Variants in TNIK observed in about 807,000 individuals in gnomAD.
TNIK encodes the protein TRAF2 and NCK-interacting protein kinase.
In TNIK, 49 loss-of-function variants were observed where a neutral mutation model predicts 191.3. The ratio of observed to expected loss-of-function variants is 0.26; its 90% CI spans 0.20 to 0.32. The LOEUF is 0.32. Ranked by LOEUF, TNIK falls within the 10% of genes least tolerant of loss-of-function variation. The pLI is 1.00. For missense variants in TNIK, 1,155 were observed against 1,702.3 expected, an observed-to-expected ratio of 0.68 and a Z score of 5.66; for synonymous variants, 594 against 600.9, an observed-to-expected ratio of 0.99 and a Z score of 0.17.
intron 2 of TNIK, among the ~76,000 whole-genome samples, chr3:171,237,389 G>T (rs577587568): frequency 6.6e-6 from 1 of 151,952 alleles, no homozygotes; most frequent in Non-Finnish European, 1.5e-5. Context: ...CTGAATCCCC[G>T]CTCTGTTACT....
At chr3:171,422,293 A>C (rs1723912734) in intron 1 of TNIK, among the ~76,000 whole-genome samples, 1 of 152,070 alleles carries the variant, frequency 6.6e-6, no homozygotes, top group African/African-American at 2.4e-5. Context: ...TTAATAAAGT[A>C]GTAAAAGACA....
intron 18 of TNIK, among the ~76,000 whole-genome samples, 193 bp downstream of exon 18, chr3:171,123,403 C>T (rs1336047367): frequency 6.6e-6 from 1 of 152,234 alleles, no homozygotes. Context: ...GAGCCCCCCA[C>T]TGAATACTGA....
At position 171,063,674 on chromosome 3, in the gene TNIK, T is replaced by C. The variant is rs533303383; in HGVS notation, c.*207A>G. ...GCATTCTTGGGGATCTCCTGGAAATTCCTGCCACCTTTTTCTCTCCTTCTC... is the reference window on the plus strand; with the variant it reads ...GCATTCTTGGGGATCTCCTGGAAATCCCTGCCACCTTTTTCTCTCCTTCTC... On this transcript the variant is annotated 3_prime_UTR_variant, in exon 33 of 33. Coordinates refer to ENST00000436636, the MANE Select transcript of TNIK (RefSeq NM_015028.4). The C allele has an allele frequency of 2.1e-6, 1 of 478,480 alleles. No individual in the cohort carries two copies. The highest frequency in any genetic ancestry group is 3.8e-5 in the Admixed American group (1 of 25,978). The allele number at this position is 478,480 out of a possible 1,614,324, so 29.6% of individuals were successfully genotyped here.
intron 10 of TNIK, 47 bp downstream of exon 10, chr3:171,167,048 C>G: frequency 6.3e-7 from 1 of 1,583,806 alleles, no homozygotes; most frequent in Non-Finnish European, 8.6e-7. Flanking sequence ...GCCCATGATT[C>G]ACTCCATCTT....
intron 2 of TNIK, among the ~76,000 whole-genome samples, chr3:171,281,788 C>A (rs1264599113): frequency 6.6e-6 from 1 of 152,156 alleles, no homozygotes; most frequent in Non-Finnish European, 1.5e-5. Context: ...AATCTTTAAA[C>A]TGTGATGACA....
intron 2 of TNIK, among the ~76,000 whole-genome samples, chr3:171,342,513 A>T (rs1350963736): frequency 4.6e-5 from 7 of 152,190 alleles, no homozygotes; most frequent in African/African-American, 1.7e-4. Context: ...CAAAAAACAA[A>T]AAAACAAAAA....
chr3:171,285,616 GTAT>G (rs765413946), intron 2 of TNIK, among the ~76,000 whole-genome samples: 1 of 152,126 alleles, frequency 6.6e-6, no homozygotes, highest in Admixed American at 6.5e-5. Context: ...CACCAAATCA[GTAT>G]TATTATTATT....
intron 2 of TNIK, among the ~76,000 whole-genome samples, chr3:171,311,991 G>C (rs1313140138): frequency 6.6e-6 from 1 of 151,578 alleles, no homozygotes. Flanking sequence ...GGTTGGGGGC[G>C]GGTGCGCCTG....
intron 7 of TNIK, among the ~76,000 whole-genome samples, chr3:171,185,156 T>C (rs1254286901): frequency 6.6e-6 from 1 of 150,890 alleles, no homozygotes; most frequent in Non-Finnish European, 1.5e-5. Context: ...ATTAAGTTTT[T>C]CCAGGTTCTT....
At chr3:171,209,734 C>T (rs1036482428) in intron 4 of TNIK, among the ~76,000 whole-genome samples, 4 of 151,646 alleles carry the variant, frequency 2.6e-5, no homozygotes, top group African/African-American at 9.7e-5. Context: ...TGGAGATGAG[C>T]CTTATGGAAA....
intron 1 of TNIK, among the ~76,000 whole-genome samples, chr3:171,459,392 G>A (rs1299030298): frequency 6.6e-6 from 1 of 152,238 alleles, no homozygotes; most frequent in African/African-American, 2.4e-5. Context: ...ATAAATAAAG[G>A]TGAGTGGCAG....
chr3:171,145,246 C>T (rs1057105516), intron 12 of TNIK, among the ~76,000 whole-genome samples: 3 of 152,124 alleles, frequency 2.0e-5, no homozygotes, highest in Admixed American at 6.5e-5. Context: ...GCCACCACGC[C>T]TGGCTAATTT....
intron 12 of TNIK, among the ~76,000 whole-genome samples, chr3:171,151,560 G>T (rs1009120193): frequency 6.6e-6 from 1 of 152,160 alleles, no homozygotes; most frequent in Non-Finnish European, 1.5e-5. Flanking sequence ...GCCCTGTGAG[G>T]TAAATGCTAT....
At chr3:171,146,325 T>A (rs569923652) in intron 12 of TNIK, among the ~76,000 whole-genome samples, 1 of 152,238 alleles carries the variant, frequency 6.6e-6, no homozygotes, top group African/African-American at 2.4e-5. Flanking sequence ...CCTTTTGGAA[T>A]GAGGAAAAGT....
chr3:171,379,937 A>G (rs1474327532), intron 1 of TNIK, among the ~76,000 whole-genome samples: 1 of 151,990 alleles, frequency 6.6e-6, no homozygotes, highest in East Asian at 1.9e-4. Flanking sequence ...TGAACCAGGG[A>G]GGTGGAGGTT....
At chr3:171,246,702 GT>G (rs1456489810) in intron 2 of TNIK, among the ~76,000 whole-genome samples, 1 of 152,132 alleles carries the variant, frequency 6.6e-6, no homozygotes, top group Non-Finnish European at 1.5e-5. Flanking sequence ...TCTAGCACTA[GT>G]TTTTCCCTCA....
intron 1 of TNIK, among the ~76,000 whole-genome samples, chr3:171,459,059 G>A (rs1729096224): frequency 6.6e-6 from 1 of 151,966 alleles, no homozygotes; most frequent in African/African-American, 2.4e-5. Context: ...CTGGTATTCT[G>A]ATCTCAAAAC....
At position 171,093,854 on chromosome 3, in the gene TNIK, G is replaced by T. The variant is rs1200912949; in HGVS notation, c.2706C>A (p.Thr902=). The change falls in exon 23 of 33, where the codon ACC becomes ACA. Residue 902 remains threonine, a synonymous_variant. Transcript: ENST00000436636. The part of the protein sequence containing the change: ...SFSGSISREG[T]LMIRETSGEK... ...ACCAACTTACCTCTCTAATCATCAAGGTTCCTTCTCTTGAAATACTGCCGC... is the reference window on the plus strand; with the variant it reads ...ACCAACTTACCTCTCTAATCATCAATGTTCCTTCTCTTGAAATACTGCCGC... 3 of 1,613,624 alleles carry T rather than the reference G, an allele frequency of 1.9e-6. No individual in the cohort carries two copies. The highest frequency in any genetic ancestry group is 2.7e-5 in the African/African-American group (2 of 75,002).
At chr3:171,396,381 T>C (rs1720256586) in intron 1 of TNIK, among the ~76,000 whole-genome samples, 1 of 152,216 alleles carries the variant, frequency 6.6e-6, no homozygotes, top group African/African-American at 2.4e-5. Flanking sequence ...ATTGTTTCTG[T>C]CTTTAGGCTA....
Sources: allele counts gnomAD v4.1 joint callset (sites outside exome capture counted in the v4.1 genomes callset), GRCh38; gene constraint gnomAD v4.1.1; transcripts MANE v1.5; gene names NCBI Gene and HGNC (gene_info 2026-07-23, HGNC 2026-07-21).